The following ANO1 variants were observed in gnomAD, a reference collection of about 807,000 sequenced individuals.
ANO1 encodes the protein anoctamin 1.
In ANO1, 59 loss-of-function variants were observed where a neutral mutation model predicts 124.0. The observed-to-expected ratio is 0.48, with a 90% CI of 0.39 to 0.59. ANO1 has a LOEUF of 0.59. ANO1 is among the 20% of genes least tolerant of loss of function. The probability of loss-of-function intolerance (pLI) is 0.00; values close to 1 mark genes in which losing one functional copy is unlikely to be tolerated. For missense variants in ANO1, 1,059 were observed against 1,328.0 expected (o/e 0.80, Z 3.15); for synonymous variants, 529 against 532.0 (o/e 0.99, Z 0.08).
the ANO1 span, among the ~76,000 whole-genome samples, chr11:69,967,819 G>A: frequency 6.6e-6 from 1 of 152,228 alleles, no homozygotes; most frequent in Admixed American, 6.5e-5. Context: ...AAGAGGGGCT[G>A]AGAATTCAGA....
intron 1 of ANO1, among the ~76,000 whole-genome samples, chr11:70,032,186 G>C (rs1238184736): frequency 6.6e-6 from 1 of 152,172 alleles, no homozygotes; most frequent in Non-Finnish European, 1.5e-5. Flanking sequence ...GGATGAGGTA[G>C]TGGGTCCTGG....
At chr11:70,022,454 C>T (rs1555002705) in intron 1 of ANO1, among the ~76,000 whole-genome samples, 1 of 152,072 alleles carries the variant, frequency 6.6e-6, no homozygotes, top group African/African-American at 2.4e-5. Flanking sequence ...CAAAAATTAG[C>T]CGGACGTGGT....
rs2049230987 is a variant in ANO1 at position 70,188,439 on chromosome 11, G to A, written c.*435G>A. ...GCGCAAAAGCTGGTGCGATGCTTCA[G>A]GGAAAATGGAAAACCCACGCAAGAA... On this transcript the variant is annotated 3_prime_UTR_variant, in exon 26 of 26. Transcript: ENST00000355303. The A allele has an allele frequency of 6.2e-6, 1 of 160,514 alleles. No individual in the cohort carries two copies. The highest frequency in any genetic ancestry group is 6.2e-5 in the Admixed American group (1 of 16,004). The allele number at this position is 160,514 out of a possible 1,614,324, so 9.9% of individuals were successfully genotyped here.
In ANO1 at chr11:70,078,539, C is replaced by A. The variant is rs1180366070; in HGVS notation, c.-68C>A. On this transcript the variant is annotated 5_prime_UTR_variant, in exon 1 of 26. Coordinates refer to ENST00000355303, the MANE Select transcript of ANO1 (RefSeq NM_018043.7). Reference sequence around the variant, plus strand: ...CCGCGAACGCTGCGGTCTCCGCCCGCAGAGGCCGCCGGGGCCGTGGATGGG... The same window carrying A: ...CCGCGAACGCTGCGGTCTCCGCCCGAAGAGGCCGCCGGGGCCGTGGATGGG... The A allele has an allele frequency of 3.9e-5, 45 of 1,163,468 alleles. No homozygotes were observed. The highest frequency in any genetic ancestry group is 4.9e-5 in the Non-Finnish European group (43 of 885,052). 72.1% of individuals were successfully genotyped at this position (1,163,468 alleles called of 1,614,324 possible). A position where few individuals can be genotyped will look rare whatever the true frequency, so the allele number is the denominator to read the frequency against.
the ANO1 span, among the ~76,000 whole-genome samples, chr11:69,977,190 A>G: frequency 6.6e-6 from 1 of 152,188 alleles, no homozygotes; most frequent in Non-Finnish European, 1.5e-5. Flanking sequence ...GTGTCACCCA[A>G]GTTGTCATAC....
chr11:70,008,837 C>T (rs1009227153), intron 1 of ANO1, among the ~76,000 whole-genome samples: 5 of 152,094 alleles, frequency 3.3e-5, no homozygotes, highest in Admixed American at 1.3e-4. Flanking sequence ...TAGGGAAGGC[C>T]GGCTCTCCCT....
At position 69,995,105 on chromosome 11, in the gene ANO1, T is replaced by TTTTTG. The variant is rs33934558; in HGVS notation, c.58+8943_58+8944insGTTTT. 7.2e-4 allele frequency among the ~76,000 whole-genome samples: 105 copies of TTTTTG among 145,622 alleles called. 1 individual carries two copies. Among genetic ancestry groups the TTTTTG allele is most frequent in the African/African-American group, 2.1e-3 (84 of 39,290 alleles). ...AAATGCTGGCACTGTTTTTTTTTTT[T>TTTTTG]TTTTTTTTTTTTGAGATGGAATCTT... On this transcript the variant is annotated intron_variant, in intron 1 of 27. Coordinates refer to the ANO1 transcript ENST00000531349.
At chr11:70,017,205 C>T (rs181676839) in intron 1 of ANO1, among the ~76,000 whole-genome samples, 11 of 152,294 alleles carry the variant, frequency 7.2e-5, no homozygotes, top group African/African-American at 7.2e-5. Flanking sequence ...AAAGGCCAGA[C>T]GCCCTAATAA....
intron 19 of ANO1, among the ~76,000 whole-genome samples, chr11:70,163,862 T>C (rs2048150785): frequency 6.6e-6 from 1 of 151,268 alleles, no homozygotes; most frequent in African/African-American, 2.4e-5. Context: ...CGCTTGAACC[T>C]GGAAGATGGA....
chr11:70,035,099 C>T (rs980124247), intron 1 of ANO1, among the ~76,000 whole-genome samples: 3 of 152,110 alleles, frequency 2.0e-5, no homozygotes, highest in Non-Finnish European at 4.4e-5. Flanking sequence ...CTTGGCCAAG[C>T]CTCCTTTTCT....
chr11:70,068,821 C>G (rs1022831500), intron 1 of ANO1, among the ~76,000 whole-genome samples: 1 of 152,138 alleles, frequency 6.6e-6, no homozygotes, highest in African/African-American at 2.4e-5. Context: ...GGAAAACTGT[C>G]CCCCTCTGTT....
At chr11:70,109,115 C>T (rs1312340433) in intron 6 of ANO1, among the ~76,000 whole-genome samples, 1 of 152,190 alleles carries the variant, frequency 6.6e-6, no homozygotes, top group Non-Finnish European at 1.5e-5. Flanking sequence ...CTGCTGAGAG[C>T]CGTGCCATAG....
chr11:70,164,299 G>C (rs914388146), intron 19 of ANO1, among the ~76,000 whole-genome samples: 1 of 152,170 alleles, frequency 6.6e-6, no homozygotes, highest in Non-Finnish European at 1.5e-5. Context: ...ATAAGATATC[G>C]AGGATGGGGT....
intron 16 of ANO1, 107 bp from the exon 17 acceptor site, chr11:70,161,054 G>A: frequency 9.4e-7 from 1 of 1,060,750 alleles, no homozygotes; most frequent in South Asian, 1.6e-5. Context: ...TTTTGAAGCA[G>A]AAGAGCGGGA....
At chr11:70,016,860 G>A (rs1248103470) in intron 1 of ANO1, among the ~76,000 whole-genome samples, 1 of 152,218 alleles carries the variant, frequency 6.6e-6, no homozygotes, top group African/African-American at 2.4e-5. Context: ...ACTAAACCAG[G>A]CCATTTCCCA....
intron 15 of ANO1, 102 bp downstream of exon 15, chr11:70,156,090 A>C: frequency 8.7e-7 from 1 of 1,154,192 alleles, no homozygotes; most frequent in South Asian, 2.0e-5. Context: ...TTTTTTTTTA[A>C]CATTCACATC....
intron 1 of ANO1, among the ~76,000 whole-genome samples, chr11:70,083,813 T>G (rs1260111210): frequency 6.6e-6 from 1 of 152,188 alleles, no homozygotes; most frequent in Non-Finnish European, 1.5e-5. Flanking sequence ...TGGCCAGGCC[T>G]CCGGGGTCCT....
chr11:70,041,595 A>G (rs892171943), intron 1 of ANO1, among the ~76,000 whole-genome samples: 1 of 152,228 alleles, frequency 6.6e-6, no homozygotes, highest in Non-Finnish European at 1.5e-5. Flanking sequence ...CAACAACAGC[A>G]GCAACATAAT....
At chr11:70,095,051 C>T (rs1361855815) in intron 2 of ANO1, among the ~76,000 whole-genome samples, 1 of 151,898 alleles carries the variant, frequency 6.6e-6, no homozygotes, top group African/African-American at 2.4e-5. Flanking sequence ...ACTAAAAATA[C>T]AAAAATTAGC....
Sources: allele counts gnomAD v4.1 joint callset (sites outside exome capture counted in the v4.1 genomes callset), GRCh38; gene constraint gnomAD v4.1.1; transcripts MANE v1.5; gene names NCBI Gene and HGNC (gene_info 2026-07-23, HGNC 2026-07-21).